The following ADGB variants were observed in gnomAD, a reference collection of about 807,000 sequenced individuals.
The protein encoded by ADGB is androglobin, also known as calpain-7-like protein.
A neutral mutation model predicts 210.5 loss-of-function variants in ADGB; 172 were observed. The ratio of observed to expected loss-of-function variants is 0.82; its 90% CI spans 0.72 to 0.93. The LOEUF is 0.93. ADGB is among the 40% of genes least tolerant of loss of function. The pLI is 0.00. For synonymous variants in ADGB, 658 were observed against 662.7 expected (o/e 0.99, Z 0.11); for missense variants, 2,025 against 1,964.8 (o/e 1.03, Z -0.58).
chr6:146,603,737 T>C (rs1169033984), intron 1 of ADGB, among the ~76,000 whole-genome samples: 1 of 152,190 alleles, frequency 6.6e-6, no homozygotes, highest in East Asian at 1.9e-4. Flanking sequence ...TCTCTCTATA[T>C]GAAATTTGAA....
intron 35 of ADGB, among the ~76,000 whole-genome samples, chr6:146,810,738 A>G (rs1012476291): frequency 6.6e-6 from 1 of 152,120 alleles, no homozygotes; most frequent in African/African-American, 2.4e-5. Flanking sequence ...TCACATGTGG[A>G]ATTGTGAAAG....
chr6:146,746,016 T>C lies in ADGB; in HGVS notation c.3272T>C (p.Leu1091Pro). The change falls in exon 26 of 36, where the codon CTG becomes CCG. Residue 1091 changes from leucine to proline, a missense_variant. By Grantham distance (98) the Leu-to-Pro change is moderately conservative (BLOSUM62 -3). Coordinates refer to ENST00000397944, the MANE Select transcript of ADGB (RefSeq NM_024694.4). ...KLRLIGSSAP[L>P]PCLSRDSPCN... ...CGTCTCATCGGTTCTTCTGCTCCAC[T>C]GCCATGCCTCTCTCGAGACTCTCCA... 1 of 1,551,446 alleles carries C rather than the reference T, an allele frequency of 6.4e-7. No homozygotes were observed.
chr6:146,793,554 T>A (rs1317770796), intron 33 of ADGB, among the ~76,000 whole-genome samples: 2 of 152,160 alleles, frequency 1.3e-5, no homozygotes, highest in East Asian at 3.9e-4. Context: ...GTTGAGCTCA[T>A]TTGGGGTTCC....
rs1776302481 is a variant in ADGB, at chr6:146,691,224, C to A, written c.1420C>A (p.Pro474Thr). 4.5e-6 allele frequency: 7 copies of A among 1,548,700 alleles called. No individual in the cohort carries two copies. The highest frequency in any genetic ancestry group is 2.0e-5 in the Admixed American group (1 of 50,520). Residue 474 changes from proline (P) to threonine (T), a missense_variant, in exon 11 of 36, where the codon CCT becomes ACT. Coordinates refer to ENST00000397944, the MANE Select transcript of ADGB (RefSeq NM_024694.4). ...SCPLVAPPKP[P>T]PLPPWKLIRQ... ...TCCTCTGGTAGCACCACCAAAACCA[C>A]CTCCTCTACCTCCCTGGAAACTCAT...
intron 1 of ADGB, among the ~76,000 whole-genome samples, chr6:146,618,474 T>A (rs144475430): frequency 2.0e-5 from 3 of 152,184 alleles, no homozygotes; most frequent in Admixed American, 2.0e-4. Flanking sequence ...TTGGTCTTTC[T>A]ACTTTTTTGA....
intron 29 of ADGB, among the ~76,000 whole-genome samples, chr6:146,781,355 A>G (rs2114643165): frequency 6.7e-6 from 1 of 148,714 alleles, no homozygotes; most frequent in African/African-American, 2.5e-5. Flanking sequence ...AAGAAAAAGA[A>G]AAAAAAAAAA....
At chr6:146,722,526 GC>G (rs985337493) in intron 17 of ADGB, among the ~76,000 whole-genome samples, 5 of 152,112 alleles carry the variant, frequency 3.3e-5, no homozygotes, top group Admixed American at 6.6e-5. Flanking sequence ...AAACACACTG[GC>G]TAGCCCTGCT....
intron 26 of ADGB, among the ~76,000 whole-genome samples, chr6:146,747,801 C>G (rs1583620106): frequency 7.4e-6 from 1 of 134,826 alleles, no homozygotes; most frequent in East Asian, 2.2e-4. Flanking sequence ...TTTTTTGAGA[C>G]AGAGTCTCAC....
intron 27 of ADGB, among the ~76,000 whole-genome samples, chr6:146,759,898 C>T (rs1340555793): frequency 1.3e-5 from 2 of 151,736 alleles, no homozygotes; most frequent in Non-Finnish European, 3.0e-5. Flanking sequence ...TATATTTCCT[C>T]TTTTTGTATT....
At chr6:146,600,075 A>T (rs930913477) in intron 1 of ADGB, among the ~76,000 whole-genome samples, 7 of 152,000 alleles carry the variant, frequency 4.6e-5, no homozygotes, top group Admixed American at 6.6e-5. Context: ...TTCTTTGTGA[A>T]TTCTTCTCCC....
intron 35 of ADGB, chr6:146,807,777 C>G: frequency 2.3e-6 from 1 of 436,908 alleles, no homozygotes. Context: ...TTAAGATGCT[C>G]TAATTTCAAT....
chr6:146,688,513 A>G (rs1225997418), intron 10 of ADGB, among the ~76,000 whole-genome samples: 1 of 152,118 alleles, frequency 6.6e-6, no homozygotes, highest in Admixed American at 6.6e-5. Context: ...TGACATCATA[A>G]GGGGAGAAGA....
intron 27 of ADGB, among the ~76,000 whole-genome samples, chr6:146,755,604 T>C (rs1421779315): frequency 6.6e-6 from 1 of 152,080 alleles, no homozygotes; most frequent in Non-Finnish European, 1.5e-5. Flanking sequence ...GTGTGTTAAT[T>C]AAACCTCTTT....
intron 1 of ADGB, chr6:146,600,366 C>A: frequency 3.7e-6 from 1 of 267,500 alleles, no homozygotes; most frequent in Non-Finnish European, 7.9e-6. Flanking sequence ...AGAATCAGGC[C>A]TGTATTACTT....
intron 16 of ADGB, 94 bp downstream of exon 16, chr6:146,717,693 C>T (rs2114566822): frequency 1.7e-6 from 1 of 604,856 alleles, no homozygotes; most frequent in East Asian, 3.4e-5. Context: ...CATTTCTAAA[C>T]TTGTAACATA....
chr6:146,800,025 G>C (rs1029767377), intron 33 of ADGB, among the ~76,000 whole-genome samples: 2 of 152,094 alleles, frequency 1.3e-5, no homozygotes, highest in African/African-American at 4.8e-5. Flanking sequence ...GGTCGGGCTG[G>C]TCTTGAACTC....
At chr6:146,779,396 A>G (rs1777767008) in intron 29 of ADGB, among the ~76,000 whole-genome samples, 1 of 152,250 alleles carries the variant, frequency 6.6e-6, no homozygotes, top group Non-Finnish European at 1.5e-5. Context: ...AGAAAGTGGC[A>G]GAAAGGCTAT....
intron 10 of ADGB, among the ~76,000 whole-genome samples, chr6:146,690,300 T>C (rs1776284990): frequency 6.6e-6 from 1 of 152,164 alleles, no homozygotes; most frequent in Admixed American, 6.6e-5. Flanking sequence ...TAGAAATCAT[T>C]GAGACAACAT....
At chr6:146,684,781 A>T (rs1776200081) in intron 9 of ADGB, among the ~76,000 whole-genome samples, 1 of 152,070 alleles carries the variant, frequency 6.6e-6, no homozygotes, top group African/African-American at 2.4e-5. Flanking sequence ...TGTGGACATT[A>T]GATGATAACT....
Sources: gnomAD v4.1 joint callset for allele counts (sites outside exome capture counted in the v4.1 genomes callset) on GRCh38, gnomAD v4.1.1 for gene constraint, MANE v1.5 for transcripts, NCBI Gene and HGNC (gene_info 2026-07-23, HGNC 2026-07-21) for gene names.